Variants in KIF5C observed in about 807,000 individuals in gnomAD.
The protein encoded by KIF5C is kinesin heavy chain isoform 5C.
A neutral mutation model predicts 125.2 loss-of-function variants in KIF5C; 18 were observed. The ratio of observed to expected loss-of-function variants is 0.14; its 90% CI spans 0.10 to 0.21. KIF5C has a LOEUF of 0.21. Among genes scored for constraint, KIF5C ranks in the 10% least tolerant of loss-of-function variants. KIF5C has a pLI of 1.00. For synonymous variants in KIF5C, 405 were observed against 434.0 expected (o/e 0.93, Z 0.83); for missense variants, 780 against 1,183.8 (o/e 0.66, Z 5.01).
At chr2:148,950,529 C>T in intron 10 of KIF5C, 67 bp downstream of exon 10, 1 of 1,535,454 alleles carries the variant, frequency 6.5e-7, no homozygotes, top group Non-Finnish European at 8.8e-7. Context: ...AATGGCAAGG[C>T]TGGGTGCAAT....
At chr2:148,942,524 TG>T (rs1682431850) in intron 6 of KIF5C, 148 bp from the exon 7 acceptor site, 7 of 1,359,136 alleles carry the variant, frequency 5.2e-6, no homozygotes, top group Non-Finnish European at 6.0e-6. Flanking sequence ...ATTCAAGCCC[TG>T]GGCAAGGAGG....
chr2:149,004,881 C>T (rs911606984), intron 21 of KIF5C, among the ~76,000 whole-genome samples: 1 of 152,182 alleles, frequency 6.6e-6, no homozygotes, highest in Non-Finnish European at 1.5e-5. Context: ...TGAAATGCCT[C>T]ATCCGTAAGC....
chr2:148,988,368 A>G (rs1229793263), intron 15 of KIF5C, among the ~76,000 whole-genome samples: 2 of 152,148 alleles, frequency 1.3e-5, no homozygotes, highest in African/African-American at 4.8e-5. Context: ...CTGGTTTGGG[A>G]GAAGAAATGT....
chr2:148,907,853 C>G (rs1234333512), intron 1 of KIF5C, among the ~76,000 whole-genome samples: 1 of 152,182 alleles, frequency 6.6e-6, no homozygotes, highest in Non-Finnish European at 1.5e-5. Context: ...CGACCCGGGA[C>G]ATACCCGGGA....
intron 1 of KIF5C, among the ~76,000 whole-genome samples, chr2:148,887,836 C>T (rs1015522002): frequency 1.4e-5 from 2 of 144,176 alleles, no homozygotes; most frequent in African/African-American, 2.5e-5. Context: ...GCTAGTAGTA[C>T]GCTTCGGTTA....
chr2:148,917,995 A>G (rs1420264271), intron 1 of KIF5C, among the ~76,000 whole-genome samples: 5 of 152,340 alleles, frequency 3.3e-5, no homozygotes, highest in African/African-American at 1.2e-4. Context: ...CTCCCAGAGT[A>G]ATATTCCTTC....
chr2:148,985,624 T>A (rs1558933037), intron 15 of KIF5C, among the ~76,000 whole-genome samples: 1 of 152,224 alleles, frequency 6.6e-6, no homozygotes, highest in Non-Finnish European at 1.5e-5. Context: ...ACCTTACATG[T>A]CACAATTCCC....
Position 149,011,728 on chromosome 2 carries a change from C to T in KIF5C, c.*7+45C>T, listed in dbSNP as rs1443097477. The T allele has an allele frequency of 1.9e-6, 3 of 1,610,758 alleles. No individual in the cohort carries two copies. In the African/African-American group the frequency reaches 4.0e-5, roughly 22 times the overall value. On this transcript the variant is annotated intron_variant, in intron 25 of 25. Transcript: ENST00000435030. ...TGGTTTCTCTATCTGGAGGCAGAGG[C>T]TTCTTGCCTTTCCAAAGCCCCTGCC...
chr2:148,941,980 C>A lies in KIF5C; in HGVS notation c.491C>A (p.Pro164Gln). ...GTTCATGAAGATAAAAACAGAGTCCCGTATGTAAAGGTATGAGGAAGATTT... is the reference window on the plus strand; with the variant it reads ...GTTCATGAAGATAAAAACAGAGTCCAGTATGTAAAGGTATGAGGAAGATTT... ...LAVHEDKNRV[P>Q]YVKGCTERFV... is the part of the protein sequence containing the mutation. Residue 164 changes from proline to glutamine, a missense_variant, in exon 6 of 26, where the codon CCG (proline) becomes CAG (glutamine). Pro to Gln is a moderately conservative substitution (Grantham distance 76). Coordinates refer to ENST00000435030, the MANE Select transcript of KIF5C (RefSeq NM_004522.3). 6.2e-7 allele frequency: 1 copy of A among 1,611,844 alleles called. No individual in the cohort carries two copies. Among genetic ancestry groups the A allele is most frequent in the Non-Finnish European group, 8.5e-7 (1 of 1,179,492 alleles).
At chr2:148,990,989 T>C in intron 15 of KIF5C, 21 bp from the exon 16 acceptor site, 2 of 1,604,978 alleles carry the variant, frequency 1.2e-6, no homozygotes, top group Non-Finnish European at 1.7e-6. Flanking sequence ...AACATTTGAG[T>C]GTGTCCCCTT....
At chr2:148,917,659 T>A (rs749737671) in intron 1 of KIF5C, among the ~76,000 whole-genome samples, 5 of 152,240 alleles carry the variant, frequency 3.3e-5, no homozygotes, top group Admixed American at 6.5e-5. Flanking sequence ...TATAAGTGCC[T>A]GGAACACAGA....
intron 1 of KIF5C, among the ~76,000 whole-genome samples, chr2:148,902,259 T>C (rs550155886): frequency 1.3e-4 from 20 of 152,314 alleles, no homozygotes; most frequent in Non-Finnish European, 2.2e-4. Flanking sequence ...CTTTGAGTCC[T>C]GGGTTCTCGC....
chr2:148,901,854 A>T (rs1198554747), intron 1 of KIF5C, among the ~76,000 whole-genome samples: 1 of 152,190 alleles, frequency 6.6e-6, no homozygotes, highest in Non-Finnish European at 1.5e-5. Flanking sequence ...CTCTTAAGGA[A>T]TCTGGAGGAC....
At position 148,983,673 on chromosome 2, in the gene KIF5C, C is replaced by T. The variant is rs763444662; in HGVS notation, c.1623C>T (p.Asn541=). Residue 541 remains asparagine (N), a synonymous_variant, in exon 15 of 26, where the codon AAC becomes AAT. Coordinates refer to ENST00000435030, the MANE Select transcript of KIF5C (RefSeq NM_004522.3). ...TGAGCCAGCTACAAGAGCTTAGCAACCACCAGAAGAAAAGGGCAACTGAGA... is the reference window on the plus strand; with the variant it reads ...TGAGCCAGCTACAAGAGCTTAGCAATCACCAGAAGAAAAGGGCAACTGAGA... The part of the protein sequence containing the change: ...RELSQLQELS[N]HQKKRATEIL... 4.3e-6 allele frequency: 7 copies of T among 1,609,886 alleles called. No individual in the cohort carries two copies. In the South Asian group the frequency reaches 6.6e-5, roughly 15 times the overall value.
chr2:148,926,569 G>C (rs2105088282), intron 2 of KIF5C, among the ~76,000 whole-genome samples: 1 of 152,334 alleles, frequency 6.6e-6, no homozygotes, highest in African/African-American at 2.4e-5. Context: ...GCGGAGCGCG[G>C]CCTGGCCTTT....
At chr2:148,935,858 A>G (rs1432842203) in intron 3 of KIF5C, among the ~76,000 whole-genome samples, 1 of 152,218 alleles carries the variant, frequency 6.6e-6, no homozygotes, top group Non-Finnish European at 1.5e-5. Flanking sequence ...AGAAATATAC[A>G]TGCACTGGCC....
intron 1 of KIF5C, chr2:148,888,739 C>T (rs1431203273): frequency 3.3e-5 from 5 of 151,902 alleles, no homozygotes; most frequent in African/African-American, 1.2e-4. Flanking sequence ...CTACATCTTC[C>T]ATTTTATTTT....
Position 148,876,321 on chromosome 2 carries a change from G to C in KIF5C, c.126+578G>C, listed in dbSNP as rs1293325310. On this transcript the variant is annotated intron_variant, in intron 1 of 25. Transcript: ENST00000435030. The surrounding 1 kb of genome is among the most constrained non-coding windows in gnomAD (Gnocchi z 4.7). Reference sequence around the variant, plus strand: ...CTCCGCGCGCGGAAGGCGGAGGGTTGGGGGAGTACTGGTGGCCTCGGTGTC... The same window carrying C: ...CTCCGCGCGCGGAAGGCGGAGGGTTCGGGGAGTACTGGTGGCCTCGGTGTC... 6.6e-6 allele frequency among the ~76,000 whole-genome samples: 1 copy of C among 152,170 alleles called. No homozygotes were observed. The highest frequency in any genetic ancestry group is 1.5e-5 in the Non-Finnish European group (1 of 68,016).
At chr2:148,962,515 CCTGGGAGACA>C (rs776337738) in intron 11 of KIF5C, among the ~76,000 whole-genome samples, 5 of 151,938 alleles carry the variant, frequency 3.3e-5, no homozygotes, top group Non-Finnish European at 7.4e-5. Context: ...CTGTTGGCAT[CCTGGGAGACA>C]CTTGGGAAAG....
Sources: allele counts gnomAD v4.1 joint callset (sites outside exome capture counted in the v4.1 genomes callset), GRCh38; gene constraint gnomAD v4.1.1; non-coding constraint Gnocchi (gnomAD v3.1); transcripts MANE v1.5; gene names NCBI Gene and HGNC (gene_info 2026-07-23, HGNC 2026-07-21).